KNSTRN: variants seen among roughly 807,000 people sequenced by gnomAD.
The protein encoded by KNSTRN is small kinetochore-associated protein.
KNSTRN carries 38 observed loss-of-function variants against 44.7 expected under a neutral mutation model. The observed-to-expected ratio is 0.85, with a 90% CI of 0.66 to 1.11. KNSTRN has a LOEUF of 1.11. Among genes scored for constraint, KNSTRN ranks in the 50% most tolerant of loss-of-function variants. The pLI, the probability that KNSTRN is intolerant of heterozygous loss-of-function variation, is 0.00. For synonymous variants in KNSTRN, 158 were observed against 148.1 expected, an observed-to-expected ratio of 1.07 and a Z score of -0.48; for missense variants, 406 against 375.8, an observed-to-expected ratio of 1.08 and a Z score of -0.66.
At chr15:40,391,724 A>G in intron 7 of KNSTRN, 170 bp downstream of exon 7, 1 of 678,574 alleles carries the variant, frequency 1.5e-6, no homozygotes, top group African/African-American at 1.8e-5. Flanking sequence ...TTTTACTTGA[A>G]AGGTAGCTTT....
Position 40,382,910 on chromosome 15 carries a change from C to T in KNSTRN, c.75C>T (p.His25=). The change falls in exon 1 of 9, where the codon CAC becomes CAT. Residue 25 remains histidine (H), a synonymous_variant. Coordinates refer to ENST00000249776, the MANE Select transcript of KNSTRN (RefSeq NM_033286.4). ...GGCTGTCTACAGAGTGCGATTCCCA[C>T]CCACTTCCGCCTAGCTACCGGAAGT... The part of the protein sequence containing the change: ...TTWLSTECDS[H]PLPPSYRKFL... 6.2e-7 allele frequency: 1 copy of T among 1,612,320 alleles called. No homozygotes were observed. Among genetic ancestry groups the T allele is most frequent in the Non-Finnish European group, 8.5e-7 (1 of 1,180,032 alleles).
chr15:40,386,138 A>G (rs761785412), intron 2 of KNSTRN, among the ~76,000 whole-genome samples: 1 of 152,132 alleles, frequency 6.6e-6, no homozygotes, highest in Non-Finnish European at 1.5e-5. Flanking sequence ...GAGGCAGGAG[A>G]ATCGTTTGAA....
At position 40,393,783 on chromosome 15, in the gene KNSTRN, T is replaced by C. The variant is rs1890044189; in HGVS notation, c.*186T>C. 2.0e-6 allele frequency: 1 copy of C among 499,290 alleles called. No individual in the cohort carries two copies. Among genetic ancestry groups the C allele is most frequent in the African/African-American group, 2.0e-5 (1 of 50,120 alleles). The allele number at this position is 499,290 out of a possible 1,614,324, so 30.9% of individuals were successfully genotyped here. On this transcript the variant is annotated 3_prime_UTR_variant, in exon 9 of 9. Transcript: ENST00000249776. ...CTCATTTAAGCAAGTTTTCCCAACC[T>C]TCAGGTTGGTCAGCCCTCCTGAGCC...
Position 40,389,818 on chromosome 15 carries a change from T to G in KNSTRN, c.592-18T>G. ...GGAGTTGGACAATTCCTGATCTGTC[T>G]GTGCTGTGCTCCAATAGGGAGAGCT... On this transcript the variant is annotated intron_variant, in intron 5 of 8. Transcript: ENST00000249776. 6.2e-7 allele frequency: 1 copy of G among 1,610,888 alleles called. No individual in the cohort carries two copies. The highest frequency in any genetic ancestry group is 1.7e-5 in the Admixed American group (1 of 60,030).
chr15:40,384,555 T>G lies in KNSTRN; in HGVS notation c.304+1233T>G. On this transcript the variant is annotated intron_variant, in intron 2 of 8. Transcript: ENST00000249776. ...TGCTGTGTCTTTCCCTTAGATGCGG[T>G]GCCCCTGAGTCAGTGGGCAGTGACT... 3 of 452,412 alleles carry G rather than the reference T, an allele frequency of 6.6e-6. No homozygotes were observed. The East Asian group carries it at 2.1e-4, about 32-fold the overall frequency. The allele number at this position is 452,412 out of a possible 1,614,324, so 28.0% of individuals were successfully genotyped here.
At chr15:40,387,477 C>T (rs2141273798) in intron 4 of KNSTRN, among the ~76,000 whole-genome samples, 1 of 152,258 alleles carries the variant, frequency 6.6e-6, no homozygotes, top group East Asian at 1.9e-4. Context: ...TCACACTTAG[C>T]TATGGCCCAT....
At position 40,386,900 on chromosome 15, in the gene KNSTRN, T is replaced by C. The variant is rs1306377957; in HGVS notation, c.438-259T>C. 7.2e-6 allele frequency: 4 copies of C among 558,628 alleles called. No individual in the cohort carries two copies. The East Asian group carries it at 1.2e-4, about 17-fold the overall frequency. The allele number at this position is 558,628 out of a possible 1,614,324, so 34.6% of individuals were successfully genotyped here. ...CCAGGTGAGTGAGGTTGACATGAGATAGCCACGCCATCTTGAGAGGAACAG... is the reference window on the plus strand; with the variant it reads ...CCAGGTGAGTGAGGTTGACATGAGACAGCCACGCCATCTTGAGAGGAACAG... On this transcript the variant is annotated intron_variant, in intron 3 of 8. Coordinates refer to ENST00000249776, the MANE Select transcript of KNSTRN (RefSeq NM_033286.4).
intron 2 of KNSTRN, chr15:40,383,574 T>G: frequency 2.3e-6 from 1 of 432,212 alleles, no homozygotes; most frequent in East Asian, 3.6e-5. Context: ...TTCAAGTTGT[T>G]GGTTATTGTA....
chr15:40,393,889 G>T lies in KNSTRN; in HGVS notation c.*292G>T. ...CCTTCTAGTCAACCACCTGACTTCA[G>T]CACACCATTACAATCGGGAGACTAA... On this transcript the variant is annotated 3_prime_UTR_variant, in exon 9 of 9. Transcript: ENST00000249776. The T allele has an allele frequency of 4.5e-6, 1 of 224,638 alleles. No homozygotes were observed. The highest frequency in any genetic ancestry group is 8.9e-6 in the Non-Finnish European group (1 of 112,638). 13.9% of individuals were successfully genotyped at this position (224,638 alleles called of 1,614,324 possible).
chr15:40,383,353 C>G, intron 2 of KNSTRN, 31 bp downstream of exon 2: 1 of 1,546,148 alleles, frequency 6.5e-7, no homozygotes. Flanking sequence ...CGGGGCACTG[C>G]GGCCTGGCCG....
In KNSTRN at chr15:40,391,555, G is replaced by A. The variant is rs868468394; in HGVS notation, c.747+1G>A. On this transcript the variant is annotated splice_donor_variant, in intron 7 of 8. Transcript: ENST00000249776. LOFTEE classifies it high-confidence loss of function. ...CACTACTGATCACATGGACTCTATG[G>A]TGAGGGCATGGGTGTGAAAGGGCGC... The A allele has an allele frequency of 3.7e-6, 6 of 1,612,904 alleles. No individual in the cohort carries two copies. The highest frequency in any genetic ancestry group is 5.1e-6 in the Non-Finnish European group (6 of 1,179,004).
At position 40,383,280 on chromosome 15, in the gene KNSTRN, A is replaced by T; in HGVS notation, c.262A>T (p.Ser88Cys). The change falls in exon 2 of 9, where the codon AGC (serine) becomes TGC (cysteine). Residue 88 changes from serine (S) to cysteine (C), a missense_variant. Ser to Cys is a moderately radical substitution (Grantham distance 112). Coordinates refer to ENST00000249776, the MANE Select transcript of KNSTRN (RefSeq NM_033286.4). ...TMTSVVKTVY[S>C]LQPPSALSGG... is the part of the protein sequence containing the mutation. Reference sequence around the variant, plus strand: ...GACCAGTGTGGTTAAGACAGTGTATAGCCTGCAGCCCCCCTCTGCGCTGAG... The same window carrying T: ...GACCAGTGTGGTTAAGACAGTGTATTGCCTGCAGCCCCCCTCTGCGCTGAG... The T allele has an allele frequency of 6.2e-7, 1 of 1,614,014 alleles. No individual in the cohort carries two copies. The highest frequency in any genetic ancestry group is 8.5e-7 in the Non-Finnish European group (1 of 1,179,932).
At position 40,393,634 on chromosome 15, in the gene KNSTRN, T is replaced by C. The variant is rs369417225; in HGVS notation, c.*37T>C. 61 of 1,595,474 alleles carry C rather than the reference T, an allele frequency of 3.8e-5. No individual in the cohort carries two copies. The highest frequency in any genetic ancestry group is 5.0e-5 in the Non-Finnish European group (58 of 1,169,684). On this transcript the variant is annotated 3_prime_UTR_variant, in exon 9 of 9. Coordinates refer to ENST00000249776, the MANE Select transcript of KNSTRN (RefSeq NM_033286.4). ...TGGCCAGATGGCTCCCTCTTGGGCATAAAATCTCAGAGGAAGCTACTTAGG... is the reference window on the plus strand; with the variant it reads ...TGGCCAGATGGCTCCCTCTTGGGCACAAAATCTCAGAGGAAGCTACTTAGG...
intron 8 of KNSTRN, 131 bp from the exon 9 acceptor site, chr15:40,393,338 C>T (rs1890035171): frequency 2.5e-6 from 4 of 1,600,444 alleles, no homozygotes; most frequent in Middle Eastern, 3.3e-4. Context: ...ATAGAAGATA[C>T]AGTCTGTTGA....
Position 40,383,164 on chromosome 15 carries a change from G to T in KNSTRN, c.210-64G>T, listed in dbSNP as rs1038911369. 7 of 1,581,896 alleles carry T rather than the reference G, an allele frequency of 4.4e-6. No homozygotes were observed. In the South Asian group the frequency reaches 7.8e-5, roughly 18 times the overall value. On this transcript the variant is annotated intron_variant, in intron 1 of 8. Transcript: ENST00000249776. Reference sequence around the variant, plus strand: ...GGGCCTGTCGGGTCGCGCTATCCCCGGGCCCTCCACTCTCTCGGGCCCAGT... The same window carrying T: ...GGGCCTGTCGGGTCGCGCTATCCCCTGGCCCTCCACTCTCTCGGGCCCAGT...
intron 5 of KNSTRN, 38 bp from the exon 6 acceptor site, chr15:40,389,798 T>C (rs2141275246): frequency 6.3e-7 from 1 of 1,592,196 alleles, no homozygotes; most frequent in South Asian, 1.1e-5. Context: ...CCTAGGGAGT[T>C]GGACAATTCC....
chr15:40,393,631 G>A lies in KNSTRN; in HGVS notation c.*34G>A, dbSNP rs376622940. ...AAGTGGCCAGATGGCTCCCTCTTGGGCATAAAATCTCAGAGGAAGCTACTT... is the reference window on the plus strand; with the variant it reads ...AAGTGGCCAGATGGCTCCCTCTTGGACATAAAATCTCAGAGGAAGCTACTT... On this transcript the variant is annotated 3_prime_UTR_variant, in exon 9 of 9. Coordinates refer to ENST00000249776, the MANE Select transcript of KNSTRN (RefSeq NM_033286.4). 14 of 1,595,604 alleles carry A rather than the reference G, an allele frequency of 8.8e-6. No homozygotes were observed. Among genetic ancestry groups the A allele is most frequent in the African/African-American group, 1.3e-5 (1 of 74,196 alleles).
At position 40,383,049 on chromosome 15, in the gene KNSTRN, G is replaced by T. The variant is rs1265981687; in HGVS notation, c.209+5G>T. 6.2e-7 allele frequency: 1 copy of T among 1,609,566 alleles called. No homozygotes were observed. The highest frequency in any genetic ancestry group is 1.1e-5 in the South Asian group (1 of 90,984). ...GCAGGACCGGCGGGCTCCTGGGTTC[G>T]GCTCTCCCGGGGCGAGGGACTGGGC... On this transcript the variant is annotated splice_donor_5th_base_variant and intron_variant, in intron 1 of 8. Transcript: ENST00000249776.
intron 4 of KNSTRN, among the ~76,000 whole-genome samples, chr15:40,387,475 A>G (rs1889922099): frequency 6.6e-6 from 1 of 152,186 alleles, no homozygotes; most frequent in African/African-American, 2.4e-5. Context: ...AATCACACTT[A>G]GCTATGGCCC....
Sources: gnomAD v4.1 joint callset for allele counts (sites outside exome capture counted in the v4.1 genomes callset) on GRCh38, gnomAD v4.1.1 for gene constraint, MANE v1.5 for transcripts, NCBI Gene and HGNC (gene_info 2026-07-23, HGNC 2026-07-21) for gene names.